Variants in MORN5 observed in about 807,000 individuals in gnomAD.
MORN5 encodes MORN repeat-containing protein 5.
Under a neutral mutation model 22.1 loss-of-function variants are expected in MORN5, and 21 were observed. The ratio of observed to expected loss-of-function variants is 0.95; its 90% CI spans 0.67 to 1.37. The LOEUF (loss-of-function observed/expected upper bound fraction) is 1.37, where lower values mean the gene tolerates loss of function less well. MORN5 is among the 40% of genes most tolerant of loss of function. The pLI is 0.00. For synonymous variants in MORN5, 73 were observed against 74.0 expected, an observed-to-expected ratio of 0.99 and a Z score of 0.07; for missense variants, 211 against 215.1, an observed-to-expected ratio of 0.98 and a Z score of 0.12.
At chr9:122,185,313 C>T (rs1829605583) in intron 4 of MORN5, among the ~76,000 whole-genome samples, 2 of 152,090 alleles carry the variant, frequency 1.3e-5, no homozygotes, top group South Asian at 2.1e-4. Context: ...AGCTCCGCCT[C>T]CCGGGTTCAC....
At chr9:122,177,110 C>T (rs1292427487) in intron 4 of MORN5, among the ~76,000 whole-genome samples, 3 of 152,220 alleles carry the variant, frequency 2.0e-5, no homozygotes, top group Non-Finnish European at 4.4e-5. Flanking sequence ...CCAGCTGGGG[C>T]TTGCTCCTGG....
At chr9:122,189,588 C>T (rs1450951182) in intron 4 of MORN5, among the ~76,000 whole-genome samples, 3 of 151,940 alleles carry the variant, frequency 2.0e-5, no homozygotes, top group East Asian at 1.9e-4. Flanking sequence ...AGAATGAGAC[C>T]CCCTGTCTAT....
At chr9:122,170,363 T>G (rs745594291) in intron 3 of MORN5, among the ~76,000 whole-genome samples, 4 of 151,348 alleles carry the variant, frequency 2.6e-5, no homozygotes, top group African/African-American at 4.9e-5. Flanking sequence ...TTGTTGTAAA[T>G]AAGATAATTC....
At chr9:122,185,954 A>C (rs940728896) in intron 4 of MORN5, among the ~76,000 whole-genome samples, 1 of 152,158 alleles carries the variant, frequency 6.6e-6, no homozygotes, top group Non-Finnish European at 1.5e-5. Flanking sequence ...CAGCGAGACA[A>C]AAGGCAATTT....
intron 1 of MORN5, 133 bp from the exon 2 acceptor site, chr9:122,166,632 TTTG>T: frequency 1.3e-6 from 1 of 765,388 alleles, no homozygotes; most frequent in South Asian, 2.4e-5. Context: ...AAACAAAAAT[TTTG>T]TTTTCAGCAG....
intron 3 of MORN5, among the ~76,000 whole-genome samples, chr9:122,173,675 C>T (rs960448286): frequency 5.3e-5 from 8 of 152,138 alleles, no homozygotes; most frequent in African/African-American, 1.9e-4. Flanking sequence ...ATACACATAC[C>T]TAGCGTGCAT....
intron 1 of MORN5, among the ~76,000 whole-genome samples, chr9:122,166,058 A>G (rs1829271487): frequency 6.6e-6 from 1 of 152,146 alleles, no homozygotes; most frequent in African/African-American, 2.4e-5. Flanking sequence ...CACATCTTAC[A>G]TGGCAGCAGG....
At chr9:122,168,388 G>T (rs966175756) in intron 2 of MORN5, among the ~76,000 whole-genome samples, 1 of 152,196 alleles carries the variant, frequency 6.6e-6, no homozygotes, top group African/African-American at 2.4e-5. Flanking sequence ...AAGTTTCTGT[G>T]TAAAGGGGAC....
Position 122,197,890 on chromosome 9 carries a change from G to A in MORN5, c.440-1995G>A, listed in dbSNP as rs576397041. On this transcript the variant is annotated intron_variant, in intron 4 of 4. Coordinates refer to ENST00000373764, the MANE Select transcript of MORN5 (RefSeq NM_198469.4). The surrounding 1 kb of genome is among the most constrained non-coding windows in gnomAD (Gnocchi z 5.7). ...TTCCCCACCCCTGGATTTCCCAGCC[G>A]CAGCAGGGACTCCCAGGCAGCCTCC... Among the ~76,000 whole-genome samples the A allele has an allele frequency of 2.4e-4, 37 of 152,296 alleles. No homozygotes were observed. Among genetic ancestry groups the A allele is most frequent in the Admixed American group, 2.0e-3 (31 of 15,304 alleles).
chr9:122,167,948 G>A (rs1829311188), intron 2 of MORN5, among the ~76,000 whole-genome samples: 1 of 152,058 alleles, frequency 6.6e-6, no homozygotes, highest in African/African-American at 2.4e-5. Context: ...TCGTCCCTCT[G>A]CTTTCATCGT....
chr9:122,184,736 T>C (rs1225489169), intron 4 of MORN5, among the ~76,000 whole-genome samples: 15 of 152,248 alleles, frequency 9.9e-5, no homozygotes. Flanking sequence ...TCATTATCCT[T>C]GTTATTCCCA....
chr9:122,193,049 G>C (rs546311366), intron 4 of MORN5, among the ~76,000 whole-genome samples: 1 of 152,074 alleles, frequency 6.6e-6, no homozygotes, highest in Non-Finnish European at 1.5e-5. Flanking sequence ...CTGTGACTTC[G>C]GCTCAGGGAA....
At chr9:122,193,860 C>CGAGGGGAGCTGGGAGGGAAGCGGG (rs1379235761) in intron 4 of MORN5, among the ~76,000 whole-genome samples, 34 of 152,016 alleles carry the variant, frequency 2.2e-4, no homozygotes, top group African/African-American at 8.2e-4. Flanking sequence ...TTTTACAGTG[C>CGAGGGGAGCTGGGAGGGAAGCGGG]GAGGGGAGCT....
At chr9:122,170,117 G>A (rs1829344700) in intron 3 of MORN5, among the ~76,000 whole-genome samples, 1 of 152,116 alleles carries the variant, frequency 6.6e-6, no homozygotes, top group Non-Finnish European at 1.5e-5. Context: ...GGCCAACATG[G>A]TGAAACCCCG....
chr9:122,163,051 A>G (rs1181892227), intron 1 of MORN5, among the ~76,000 whole-genome samples: 1 of 152,204 alleles, frequency 6.6e-6, no homozygotes, highest in Non-Finnish European at 1.5e-5. Flanking sequence ...AATATTAAAA[A>G]AAAAAAGGTT....
In MORN5 at chr9:122,164,138, T is replaced by C. The variant is rs28608202; in HGVS notation, c.48-2630T>C. ...AGTGGTTTTTTTCTTCTTTTTAACT[T>C]ACTTTGAATTTAGAAGGCAGGCTTT... On this transcript the variant is annotated intron_variant, in intron 1 of 4. Coordinates refer to ENST00000373764, the MANE Select transcript of MORN5 (RefSeq NM_198469.4). Among the ~76,000 whole-genome samples, 1,046 of 152,294 alleles carry C rather than the reference T, an allele frequency of 6.9e-3. 6 individuals carry two copies. The highest frequency in any genetic ancestry group is 0.024 in the African/African-American group (1,010 of 41,558).
intron 2 of MORN5, among the ~76,000 whole-genome samples, chr9:122,167,516 C>T (rs1397434344): frequency 6.6e-6 from 1 of 151,994 alleles, no homozygotes; most frequent in Non-Finnish European, 1.5e-5. Context: ...CCATGCCCGG[C>T]TAATTTCTCC....
At chr9:122,173,898 G>T (rs1473953670) in intron 3 of MORN5, among the ~76,000 whole-genome samples, 1 of 152,196 alleles carries the variant, frequency 6.6e-6, no homozygotes, top group Non-Finnish European at 1.5e-5. Flanking sequence ...CCACAGAGCT[G>T]CTCTCAGGAT....
intron 4 of MORN5, among the ~76,000 whole-genome samples, chr9:122,182,216 C>T (rs1829545950): frequency 6.6e-6 from 1 of 152,246 alleles, no homozygotes; most frequent in Non-Finnish European, 1.5e-5. Flanking sequence ...ACACAACCAG[C>T]ACTTCCTACT....
Sources: gnomAD v4.1 joint callset for allele counts (sites outside exome capture counted in the v4.1 genomes callset) on GRCh38, gnomAD v4.1.1 for gene constraint, Gnocchi (gnomAD v3.1) non-coding constraint, MANE v1.5 for transcripts, NCBI Gene and HGNC (gene_info 2026-07-23, HGNC 2026-07-21) for gene names.